The following RNLS variants were observed in gnomAD, a reference collection of about 807,000 sequenced individuals.
RNLS encodes renalase, FAD dependent amine oxidase, also known as renalase.
In RNLS, 39 loss-of-function variants were observed where a neutral mutation model predicts 39.8. The observed-to-expected ratio is 0.98, with a 90% confidence interval of 0.76 to 1.28. RNLS has a LOEUF of 1.28. RNLS is among the 50% of genes most tolerant of loss of function. The probability of loss-of-function intolerance (pLI) is 0.00; values close to 1 mark genes in which losing one functional copy is unlikely to be tolerated. For synonymous variants in RNLS, 147 were observed against 150.7 expected, an observed-to-expected ratio of 0.98 and a Z score of 0.18; for missense variants, 410 against 413.3, an observed-to-expected ratio of 0.99 and a Z score of 0.07.
At chr10:88,175,043 C>CA in the RNLS span, among the ~76,000 whole-genome samples, 2 of 152,098 alleles carry the variant, frequency 1.3e-5, no homozygotes, top group Admixed American at 6.6e-5. Context: ...AATTTGTTGG[C>CA]ATATAGTTAT....
chr10:88,302,207 T>C (rs1844584184), intron 6 of RNLS, among the ~76,000 whole-genome samples: 1 of 152,186 alleles, frequency 6.6e-6, no homozygotes, highest in South Asian at 2.1e-4. Flanking sequence ...TCCAAGATCA[T>C]AATTATATCA....
At chr10:88,536,779 C>T (rs1373261502) in intron 4 of RNLS, among the ~76,000 whole-genome samples, 1 of 152,164 alleles carries the variant, frequency 6.6e-6, no homozygotes, top group African/African-American at 2.4e-5. Flanking sequence ...CTTCACTACC[C>T]TATCCTTCAC....
At chr10:88,318,638 G>T (rs1235413192) in intron 5 of RNLS, among the ~76,000 whole-genome samples, 1 of 152,198 alleles carries the variant, frequency 6.6e-6, no homozygotes, top group African/African-American at 2.4e-5. Flanking sequence ...CCACAGAGTT[G>T]TCTGCTCTGG....
At chr10:88,428,075 GC>G (rs1188533067) in intron 4 of RNLS, among the ~76,000 whole-genome samples, 2 of 151,950 alleles carry the variant, frequency 1.3e-5, no homozygotes, top group Non-Finnish European at 2.9e-5. Context: ...CAGAAATAAT[GC>G]AAAGCAAAAG....
chr10:88,218,644 C>T, the RNLS span, among the ~76,000 whole-genome samples: 2 of 152,194 alleles, frequency 1.3e-5, no homozygotes, highest in South Asian at 4.1e-4. Context: ...ATCTCTTCAC[C>T]TCTGGATAAC....
rs61386966 is a variant in RNLS, at chr10:88,365,516, A to AACACACAC, written c.527-2799_527-2792dup. Among the ~76,000 whole-genome samples the AACACACAC allele has an allele frequency of 8.1e-4, 118 of 145,906 alleles. 1 individual carries two copies. The highest frequency in any genetic ancestry group is 6.2e-3 in the South Asian group (28 of 4,510). On this transcript the variant is annotated intron_variant, in intron 4 of 6. Transcript: ENST00000331772. ...TAATTCTCAGCCAATAGGATTATAT[A>AACACACAC]ACACACACACACACACACACACACA...
chr10:88,307,552 A>G (rs557637539), intron 6 of RNLS, among the ~76,000 whole-genome samples: 1 of 152,354 alleles, frequency 6.6e-6, no homozygotes, highest in Admixed American at 6.5e-5. Flanking sequence ...GCCAAGGGCC[A>G]AATCAGGAAT....
chr10:88,373,042 T>C (rs1850689141), intron 4 of RNLS, among the ~76,000 whole-genome samples: 1 of 152,134 alleles, frequency 6.6e-6, no homozygotes, highest in African/African-American at 2.4e-5. Context: ...TTACAGCCAC[T>C]CTTCCCAGCC....
exon 7 of RNLS, chr10:88,274,805 C>T: frequency 1.9e-6 from 1 of 523,620 alleles, no homozygotes; most frequent in Non-Finnish European, 3.5e-6. Context: ...TACATTCCCA[C>T]CGGCACTGCA....
At chr10:88,512,699 AC>A (rs1296688143) in intron 4 of RNLS, among the ~76,000 whole-genome samples, 1 of 152,002 alleles carries the variant, frequency 6.6e-6, no homozygotes, top group Admixed American at 6.6e-5. Flanking sequence ...ATTACTCTCC[AC>A]AATGCATCTT....
the RNLS span, among the ~76,000 whole-genome samples, chr10:88,233,412 T>C: frequency 1.3e-5 from 2 of 152,192 alleles, no homozygotes; most frequent in East Asian, 1.9e-4. Context: ...AGGGCCTGAG[T>C]TGAAATGTCG....
intron 4 of RNLS, among the ~76,000 whole-genome samples, chr10:88,558,299 TCA>T (rs1270139578): frequency 6.6e-6 from 1 of 152,160 alleles, no homozygotes; most frequent in Admixed American, 6.6e-5. Context: ...ACATAATTTC[TCA>T]CTTTCCTCCT....
intron 4 of RNLS, among the ~76,000 whole-genome samples, chr10:88,380,692 G>GTCTT (rs555886528): frequency 5.8e-4 from 88 of 152,092 alleles, no homozygotes; most frequent in African/African-American, 2.0e-3. Flanking sequence ...CCGGTTTTGT[G>GTCTT]TCTTTTTTAG....
the RNLS span, among the ~76,000 whole-genome samples, chr10:88,185,334 T>C: frequency 6.6e-6 from 1 of 152,182 alleles, no homozygotes; most frequent in Non-Finnish European, 1.5e-5. Context: ...GTCTATCCTT[T>C]TCTCTTCATT....
chr10:88,218,844 C>G, the RNLS span, among the ~76,000 whole-genome samples: 1 of 152,190 alleles, frequency 6.6e-6, no homozygotes, highest in Non-Finnish European at 1.5e-5. Flanking sequence ...GCCCCACCCT[C>G]AAGAGCCTTC....
chr10:88,334,919 A>G (rs1847376242), intron 5 of RNLS, among the ~76,000 whole-genome samples: 2 of 152,200 alleles, frequency 1.3e-5, no homozygotes, highest in Non-Finnish European at 1.5e-5. Context: ...AAAAACTGCT[A>G]TCTTATAAGC....
rs550863912 is a variant in RNLS, at chr10:88,500,504, A to AT, written c.526+72398dup. Among the ~76,000 whole-genome samples the AT allele has an allele frequency of 5.1e-4, 77 of 152,186 alleles. No individual in the cohort carries two copies. In the South Asian group the frequency reaches 0.015, roughly 29 times the overall value. The stretch of plus-strand genomic sequence containing the variant: ...TGTGAACGTTTCTCTAATTGCCTGG[A>AT]TTTTTTAGTTGCATTTCAACTTTTA... On this transcript the variant is annotated intron_variant, in intron 4 of 6. Transcript: ENST00000331772.
At chr10:88,331,231 T>G (rs1048718979) in intron 5 of RNLS, among the ~76,000 whole-genome samples, 10 of 152,168 alleles carry the variant, frequency 6.6e-5, no homozygotes, top group Non-Finnish European at 2.9e-5. Context: ...TGCAAACACA[T>G]CAGAGACTTT....
intron 4 of RNLS, among the ~76,000 whole-genome samples, chr10:88,392,768 A>G (rs1852284984): frequency 6.6e-6 from 1 of 152,228 alleles, no homozygotes; most frequent in African/African-American, 2.4e-5. Flanking sequence ...AACTAAAAGT[A>G]TGGCACACAT....
Sources: allele counts gnomAD v4.1 joint callset (sites outside exome capture counted in the v4.1 genomes callset), GRCh38; gene constraint gnomAD v4.1.1; transcripts MANE v1.5; gene names NCBI Gene and HGNC (gene_info 2026-07-23, HGNC 2026-07-21).